The following MYO1B variants were observed in gnomAD, a reference collection of about 807,000 sequenced individuals.
MYO1B encodes the protein unconventional myosin-Ib.
Under a neutral mutation model 159.7 loss-of-function variants are expected in MYO1B, and 72 were observed. The ratio of observed to expected loss-of-function variants is 0.45; its 90% confidence interval spans 0.37 to 0.55. The LOEUF is 0.55. Among genes scored for constraint, MYO1B ranks in the 20% least tolerant of loss-of-function variants. MYO1B has a pLI of 0.00. For synonymous variants in MYO1B, 468 were observed against 473.8 expected, an observed-to-expected ratio of 0.99 and a Z score of 0.16; for missense variants, 1,062 against 1,364.8, an observed-to-expected ratio of 0.78 and a Z score of 3.50.
chr2:191,292,544 C>G (rs1288183209), intron 2 of MYO1B, among the ~76,000 whole-genome samples: 1 of 152,120 alleles, frequency 6.6e-6, no homozygotes, highest in Admixed American at 6.5e-5. Flanking sequence ...TTTTATCACA[C>G]AGATAAAACC....
At chr2:191,365,696 A>T (rs1693964648) in intron 11 of MYO1B, among the ~76,000 whole-genome samples, 1 of 152,248 alleles carries the variant, frequency 6.6e-6, no homozygotes, top group Non-Finnish European at 1.5e-5. Flanking sequence ...CCATGGAAAC[A>T]ATCAAAGGAT....
intron 24 of MYO1B, among the ~76,000 whole-genome samples, chr2:191,406,838 A>C (rs982034210): frequency 1.2e-4 from 19 of 152,264 alleles, no homozygotes; most frequent in African/African-American, 4.6e-4. Flanking sequence ...GTGCATTAAA[A>C]TGAGGTATGC....
intron 2 of MYO1B, among the ~76,000 whole-genome samples, chr2:191,290,709 G>A (rs980865073): frequency 1.3e-5 from 2 of 152,054 alleles, no homozygotes; most frequent in Non-Finnish European, 2.9e-5. Context: ...GCTATAGTAC[G>A]GCCCTTTTTG....
intron 7 of MYO1B, among the ~76,000 whole-genome samples, chr2:191,356,742 G>A (rs1485365919): frequency 1.3e-5 from 2 of 152,222 alleles, no homozygotes; most frequent in Admixed American, 6.5e-5. Flanking sequence ...TCAGGATTGG[G>A]TCTAGAATTT....
chr2:191,332,741 A>G (rs1347046590), intron 4 of MYO1B, among the ~76,000 whole-genome samples: 1 of 152,200 alleles, frequency 6.6e-6, no homozygotes, highest in Admixed American at 6.5e-5. Flanking sequence ...GAATGCAGGT[A>G]GTGTAGTTAT....
chr2:191,250,787 T>C (rs1213666897), intron 1 of MYO1B, among the ~76,000 whole-genome samples: 1 of 152,198 alleles, frequency 6.6e-6, no homozygotes, highest in Non-Finnish European at 1.5e-5. Flanking sequence ...ACCCCTTTGC[T>C]TTCCAGAACA....
At position 191,390,306 on chromosome 2, in the gene MYO1B, A is replaced by C; in HGVS notation, c.1796A>C (p.Asn599Thr). ...TGATCTTTAAGGTGTATCAAACCGA[A>C]TGATAAAAAAGCAGCACACATCTTC... ...NPNYIRCIKP[N>T]DKKAAHIFNE... The change falls in exon 18 of 31, where the codon AAT becomes ACT. Residue 599 changes from asparagine (N) to threonine (T), a missense_variant. Asn to Thr is a moderately conservative substitution (Grantham distance 65, BLOSUM62 0). Coordinates refer to ENST00000392318, the MANE Select transcript of MYO1B (RefSeq NM_001130158.3). The C allele has an allele frequency of 6.2e-7, 1 of 1,613,420 alleles. No individual in the cohort carries two copies. The highest frequency in any genetic ancestry group is 2.2e-5 in the East Asian group (1 of 44,864).
chr2:191,386,128 C>A (rs1695384435), intron 16 of MYO1B, 44 bp downstream of exon 16: 1 of 1,592,574 alleles, frequency 6.3e-7, no homozygotes. Flanking sequence ...GCCAAGTTAC[C>A]CCTGCAAGGA....
chr2:191,266,716 G>A lies in MYO1B; in HGVS notation c.-9-10171G>A, dbSNP rs911688848. Among the ~76,000 whole-genome samples the A allele has an allele frequency of 1.1e-4, 16 of 152,266 alleles. 1 individual carries two copies. The highest frequency in any genetic ancestry group is 3.9e-4 in the African/African-American group (16 of 41,540). Reference sequence around the variant, plus strand: ...CTGGGATTCTAAGGTCTCTCTCCTTGCTCTTTAATTATAAACAAAGGCACT... The same window carrying A: ...CTGGGATTCTAAGGTCTCTCTCCTTACTCTTTAATTATAAACAAAGGCACT... On this transcript the variant is annotated intron_variant, in intron 1 of 30. Coordinates refer to ENST00000392318, the MANE Select transcript of MYO1B (RefSeq NM_001130158.3).
At chr2:191,313,969 G>A (rs1347742458) in intron 3 of MYO1B, among the ~76,000 whole-genome samples, 2 of 152,214 alleles carry the variant, frequency 1.3e-5, no homozygotes, top group African/African-American at 4.8e-5. Context: ...AATGGAATGG[G>A]ATTTAGTTAA....
chr2:191,303,158 TCA>T (rs1689439420), intron 3 of MYO1B, among the ~76,000 whole-genome samples: 1 of 152,190 alleles, frequency 6.6e-6, no homozygotes, highest in African/African-American at 2.4e-5. Flanking sequence ...GGCAGAAGAC[TCA>T]CACATTATTT....
intron 13 of MYO1B, among the ~76,000 whole-genome samples, 176 bp downstream of exon 13, chr2:191,370,468 A>C (rs1694291435): frequency 6.6e-6 from 1 of 151,190 alleles, no homozygotes; most frequent in Non-Finnish European, 1.5e-5. Flanking sequence ...TAGATGTAAC[A>C]AAATTTGGTT....
chr2:191,275,360 T>C (rs1280327337), intron 1 of MYO1B, among the ~76,000 whole-genome samples: 1 of 152,016 alleles, frequency 6.6e-6, no homozygotes, highest in East Asian at 1.9e-4. Context: ...TCTCTCTTTT[T>C]TGGCTTTTCA....
chr2:191,390,268 C>G, intron 17 of MYO1B, 24 bp from the exon 18 acceptor site: 2 of 1,600,290 alleles, frequency 1.2e-6, no homozygotes, highest in Non-Finnish European at 8.5e-7. Context: ...CAGTTTATAA[C>G]CTAAAATCTT....
At position 191,393,548 on chromosome 2, in the gene MYO1B, G is replaced by C. The variant is rs186817196; in HGVS notation, c.2226+326G>C. Among the ~76,000 whole-genome samples the C allele has an allele frequency of 3.1e-3, 467 of 152,328 alleles. 13 individuals are homozygous for C. Among genetic ancestry groups the C allele is most frequent in the Admixed American group, 0.027 (418 of 15,298 alleles). ...AAATACATTTTTAATTTGGTCATCA[G>C]ATTGGAAGAGACAATATCCTTTAAG... On this transcript the variant is annotated intron_variant, in intron 20 of 30. Coordinates refer to ENST00000392318, the MANE Select transcript of MYO1B (RefSeq NM_001130158.3).
At chr2:191,373,512 A>T (rs1474246468) in intron 13 of MYO1B, among the ~76,000 whole-genome samples, 1 of 152,238 alleles carries the variant, frequency 6.6e-6, no homozygotes, top group Non-Finnish European at 1.5e-5. Context: ...ATGGTGGCTC[A>T]CACTTGTTAT....
At position 191,393,190 on chromosome 2, in the gene MYO1B, A is replaced by C. The variant is rs1320212427; in HGVS notation, c.2194A>C (p.Ile732Leu). The C allele has an allele frequency of 6.2e-7, 1 of 1,614,114 alleles. No individual in the cohort carries two copies. Among genetic ancestry groups the C allele is most frequent in the Non-Finnish European group, 8.5e-7 (1 of 1,179,968 alleles). ...CTTCCTGCTAATGAAAAAAAGCCAA[A>C]TTGTGATTGCCGCCTGGTACAGGAG... ...THFLLMKKSQ[I>L]VIAAWYRRYA... Residue 732 changes from isoleucine (I) to leucine (L), a missense_variant, in exon 20 of 31, where the codon ATT becomes CTT. Physicochemically the swap from Ile to Leu is conservative, Grantham distance 5. Coordinates refer to ENST00000392318, the MANE Select transcript of MYO1B (RefSeq NM_001130158.3).
chr2:191,251,099 C>G (rs1686085065), intron 1 of MYO1B, among the ~76,000 whole-genome samples: 1 of 152,212 alleles, frequency 6.6e-6, no homozygotes, highest in Non-Finnish European at 1.5e-5. Flanking sequence ...CTGCGTCATT[C>G]TCCTTCCCCA....
intron 3 of MYO1B, among the ~76,000 whole-genome samples, chr2:191,304,471 G>A (rs1005244225): frequency 3.3e-5 from 5 of 152,174 alleles, no homozygotes; most frequent in Non-Finnish European, 5.9e-5. Context: ...TCGGGGGGCT[G>A]AGGCAGGAGA....
Sources: allele counts gnomAD v4.1 joint callset (sites outside exome capture counted in the v4.1 genomes callset), GRCh38; gene constraint gnomAD v4.1.1; transcripts MANE v1.5; gene names NCBI Gene and HGNC (gene_info 2026-07-23, HGNC 2026-07-21).